The following C5 variants were observed in gnomAD, a reference collection of about 807,000 sequenced individuals.
C5 encodes the protein complement C5, also known as C3 and PZP-like alpha-2-macroglobulin domain-containing protein 4.
Under a neutral mutation model 218.8 loss-of-function variants are expected in C5, and 140 were observed. That is an observed-to-expected ratio of 0.64 (90% CI 0.56 to 0.74). The LOEUF (loss-of-function observed/expected upper bound fraction) is 0.74. Among genes scored for constraint, C5 ranks in the 30% least tolerant of loss-of-function variants. C5 has a pLI of 0.00. For missense variants in C5, 1,700 were observed against 1,969.6 expected (o/e 0.86, Z 2.59); for synonymous variants, 614 against 682.3 (o/e 0.90, Z 1.56).
the C5 span, chr9:121,074,707 G>A: frequency 2.3e-6 from 1 of 428,010 alleles, no homozygotes; most frequent in Admixed American, 2.5e-5. Context: ...GCGGGCAGCT[G>A]CCGCATGAAA....
intron 20 of C5, chr9:120,999,724 A>C: frequency 8.6e-6 from 2 of 233,908 alleles, no homozygotes; most frequent in South Asian, 8.3e-5. Context: ...CAAAATTACT[A>C]GATAAAAAGA....
In C5 at chr9:120,952,393, AG is replaced by A; in HGVS notation, c.*345del. 1 of 298,510 alleles carries A rather than the reference AG, an allele frequency of 3.3e-6. No homozygotes were observed. The highest frequency in any genetic ancestry group is 3.3e-5 in the South Asian group (1 of 30,600). The allele number at this position is 298,510 out of a possible 1,614,324, so 18.5% of individuals were successfully genotyped here. A position where few individuals can be genotyped will look rare whatever the true frequency, so the allele number is the denominator to read the frequency against. On this transcript the variant is annotated 3_prime_UTR_variant, in exon 41 of 41. Coordinates refer to ENST00000223642, the MANE Select transcript of C5 (RefSeq NM_001735.3). ...TCCTGTTCCTTGGTATTTTCTTTCA[AG>A]CAAAGGCCATGTTTTTGTAATACTC...
chr9:121,000,674 T>C (rs566200778), intron 20 of C5, among the ~76,000 whole-genome samples: 1 of 152,268 alleles, frequency 6.6e-6, no homozygotes, highest in South Asian at 2.1e-4. Context: ...AAAAAACAGT[T>C]CTTTAGAAAA....
intron 28 of C5, chr9:120,979,703 C>T (rs1265938417): frequency 3.7e-5 from 10 of 270,398 alleles, no homozygotes; most frequent in Non-Finnish European, 2.2e-5. Flanking sequence ...TCCGGGGAAA[C>T]ACAGTGAGAC....
Position 121,013,873 on chromosome 9 carries a change from G to A in C5, c.2257C>T (p.His753Tyr), listed in dbSNP as rs1350185556. 4.3e-6 allele frequency: 7 copies of A among 1,612,930 alleles called. No individual in the cohort carries two copies. The highest frequency in any genetic ancestry group is 1.1e-5 in the South Asian group (1 of 91,058). The change falls in exon 17 of 41, where the codon CAC (histidine) becomes TAC (tyrosine). Residue 753 changes from histidine (H) to tyrosine (Y), a missense_variant and splice_region_variant. Physicochemically the swap from His to Tyr is moderately conservative, Grantham distance 83. Coordinates refer to ENST00000223642, the MANE Select transcript of C5 (RefSeq NM_001735.3). ...TTCTGATAGAAAATGTCATACTTAC[G>A]TAGCCTTCCCAATTGCATGTCTTTA... ...SHKDMQLGRL[H>Y]MKTLLPVSKP...
Position 120,962,975 on chromosome 9 carries a change from G to A in C5, c.4324-8C>T, listed in dbSNP as rs375865204. 7 of 1,605,818 alleles carry A rather than the reference G, an allele frequency of 4.4e-6. No individual in the cohort carries two copies. The highest frequency in any genetic ancestry group is 5.1e-6 in the Non-Finnish European group (6 of 1,172,618). The stretch of plus-strand genomic sequence containing the variant: ...ATCCACCCCTTCCACAAGCTAAGGG[G>A]GAAAAGAGAGAAGCTTGAATTTCAT... On this transcript the variant is annotated splice_polypyrimidine_tract_variant and splice_region_variant and intron_variant, in intron 34 of 40. Transcript: ENST00000223642.
chr9:121,027,937 C>A (rs1431635085), intron 7 of C5, among the ~76,000 whole-genome samples: 1 of 152,192 alleles, frequency 6.6e-6, no homozygotes, highest in Non-Finnish European at 1.5e-5. Context: ...TTTTTGCAAT[C>A]TACCCATCTG....
the C5 span, among the ~76,000 whole-genome samples, chr9:121,074,564 C>T: frequency 6.6e-6 from 1 of 152,224 alleles, no homozygotes; most frequent in Non-Finnish European, 1.5e-5. Flanking sequence ...AGCGCGCAAG[C>T]ATCAGAAGTG....
chr9:120,974,780 T>C lies in C5; in HGVS notation c.4016A>G (p.Glu1339Gly), dbSNP rs569871287. Residue 1339 changes from glutamate (E) to glycine (G), a missense_variant and splice_region_variant, in exon 30 of 41, where the codon GAG (glutamate) becomes GGG (glycine). Physicochemically the swap from Glu to Gly is moderately conservative, Grantham distance 98. Transcript: ENST00000223642. ...TACTACAGAAAGTTCTTCATTTACC[T>C]CTACTGGCCTCCCAAGGAAATTCTT... ...TDKNFLGRPV[E>G]VLLNDDLIVS... 31 of 1,612,922 alleles carry C rather than the reference T, an allele frequency of 1.9e-5. No individual in the cohort carries two copies. In the African/African-American group the frequency reaches 3.2e-4, roughly 17 times the overall value.
At chr9:121,074,478 C>G in the C5 span, among the ~76,000 whole-genome samples, 1 of 152,240 alleles carries the variant, frequency 6.6e-6, no homozygotes, top group Non-Finnish European at 1.5e-5. Context: ...CGAGCCTGGG[C>G]AGTTCGGTCC....
intron 22 of C5, among the ~76,000 whole-genome samples, chr9:120,994,057 A>G (rs1216350286): frequency 6.6e-6 from 1 of 152,220 alleles, no homozygotes; most frequent in South Asian, 2.1e-4. Flanking sequence ...GACAGAAAGC[A>G]GAAACTAAAG....
chr9:120,989,747 A>G lies in C5; in HGVS notation c.2975T>C (p.Leu992Pro). The change falls in exon 24 of 41, where the codon CTA (leucine) becomes CCA (proline). Residue 992 changes from leucine (L) to proline (P), a missense_variant. Coordinates refer to ENST00000223642, the MANE Select transcript of C5 (RefSeq NM_001735.3). ...TAGGATATTGATGCCTTCCTGACTT[A>G]GAACTGCAGACAAGATCTCACCTAC... ...LLVGEILSAV[L>P]SQEGINILTH... The G allele has an allele frequency of 6.2e-7, 1 of 1,614,138 alleles. No homozygotes were observed. The highest frequency in any genetic ancestry group is 8.5e-7 in the Non-Finnish European group (1 of 1,180,008).
intron 33 of C5, among the ~76,000 whole-genome samples, chr9:120,964,402 G>T (rs2046851006): frequency 6.6e-6 from 1 of 152,188 alleles, no homozygotes; most frequent in South Asian, 2.1e-4. Flanking sequence ...GGAGGCGGAG[G>T]TTGCAGTGCG....
the C5 span, among the ~76,000 whole-genome samples, chr9:121,060,305 G>A: frequency 2.0e-5 from 3 of 152,136 alleles, no homozygotes; most frequent in Non-Finnish European, 2.9e-5. Context: ...GCTTAGGTGC[G>A]ACAGCTTTTC....
chr9:121,071,310 ACT>A, the C5 span, among the ~76,000 whole-genome samples: 1 of 152,026 alleles, frequency 6.6e-6, no homozygotes, highest in Non-Finnish European at 1.5e-5. Context: ...ACAGAGTGAG[ACT>A]CTGTCTCAAA....
intron 1 of C5, among the ~76,000 whole-genome samples, chr9:121,049,052 TTG>T (rs2131828418): frequency 6.6e-6 from 1 of 152,358 alleles, no homozygotes; most frequent in African/African-American, 2.4e-5. Flanking sequence ...GCTCTAGGAA[TTG>T]TCTTACCGTT....
intron 2 of C5, among the ~76,000 whole-genome samples, chr9:121,043,983 TAAAAAA>T (rs1351757332): frequency 2.0e-5 from 3 of 152,036 alleles, no homozygotes; most frequent in Admixed American, 6.6e-5. Flanking sequence ...TGAAAAGTGA[TAAAAAA>T]GAAAAGTGTA....
chr9:120,987,680 TTAAAG>T (rs137863941), intron 25 of C5, among the ~76,000 whole-genome samples: 17,071 of 151,112 alleles, frequency 0.11, 1,215 homozygotes, highest in Non-Finnish European at 0.16. Context: ...AAATCTAAAA[TTAAAG>T]TATTCTAGGT....
intron 33 of C5, 70 bp from the exon 34 acceptor site, chr9:120,963,808 C>T: frequency 9.0e-7 from 1 of 1,115,580 alleles, no homozygotes. Flanking sequence ...GGACACTCTT[C>T]CTTAGTAGAC....
Sources: gnomAD v4.1 joint callset for allele counts (sites outside exome capture counted in the v4.1 genomes callset) on GRCh38, gnomAD v4.1.1 for gene constraint, MANE v1.5 for transcripts, NCBI Gene and HGNC (gene_info 2026-07-23, HGNC 2026-07-21) for gene names.